The following CELF4 variants were observed in gnomAD, a reference collection of about 807,000 sequenced individuals.
CELF4 encodes CUG-BP- and ETR-3-like factor 4.
A neutral mutation model predicts 59.9 loss-of-function variants in CELF4; 18 were observed. The observed-to-expected ratio is 0.30, with a 90% CI of 0.21 to 0.45. The LOEUF (loss-of-function observed/expected upper bound fraction) is 0.45. Ranked by LOEUF, CELF4 falls within the 20% of genes least tolerant of loss-of-function variation. The probability of loss-of-function intolerance (pLI) is 1.00; values close to 1 mark genes in which losing one functional copy is unlikely to be tolerated. For missense variants in CELF4, 456 were observed against 689.0 expected, an observed-to-expected ratio of 0.66 and a Z score of 3.79; for synonymous variants, 261 against 267.1, an observed-to-expected ratio of 0.98 and a Z score of 0.22.
intron 2 of CELF4, among the ~76,000 whole-genome samples, chr18:37,413,872 T>C (rs916808367): frequency 6.6e-6 from 1 of 152,202 alleles, no homozygotes; most frequent in Non-Finnish European, 1.5e-5. Flanking sequence ...TCCAACCTGC[T>C]GTATAGTTGA....
chr18:37,506,908 C>G (rs974341099), intron 1 of CELF4, among the ~76,000 whole-genome samples: 2 of 152,180 alleles, frequency 1.3e-5, no homozygotes, highest in Non-Finnish European at 2.9e-5. Flanking sequence ...TTTCCGGGAG[C>G]TGGAAGGGGG....
intron 2 of CELF4, among the ~76,000 whole-genome samples, chr18:37,346,699 G>C (rs1459452884): frequency 6.6e-6 from 1 of 152,138 alleles, no homozygotes; most frequent in Non-Finnish European, 1.5e-5. Flanking sequence ...CGGGATTGGA[G>C]TCAGTTTGGG....
chr18:37,273,029 C>G lies in CELF4; in HGVS notation c.936G>C (p.Met312Ile), dbSNP rs200680800. The part of the protein sequence containing the change: ...LNMNGLAAAP[M>I]TPTSGGSTPP... ...CTGCCAGCTCACCTGAGGTTGGGGT[C>G]ATAGGTGCGGCCGCCAGGCCATTCA... The change falls in exon 7 of 13, where the codon ATG (methionine) becomes ATC (isoleucine). Residue 312 changes from methionine (M) to isoleucine (I), a missense_variant. By Grantham distance (10) the Met-to-Ile change is conservative (BLOSUM62 1). Transcript: ENST00000420428. 51 of 1,610,474 alleles carry G rather than the reference C, an allele frequency of 3.2e-5. No homozygotes were observed. The East Asian group carries it at 4.7e-4, about 15-fold the overall frequency.
At chr18:37,417,625 G>A (rs527663418) in intron 2 of CELF4, among the ~76,000 whole-genome samples, 1 of 152,188 alleles carries the variant, frequency 6.6e-6, no homozygotes, top group Admixed American at 6.5e-5. Context: ...GGAACCACCA[G>A]CTCTCCCAGG....
intron 8 of CELF4, among the ~76,000 whole-genome samples, chr18:37,269,457 A>G (rs145401200): frequency 1.3e-3 from 198 of 152,296 alleles, no homozygotes; most frequent in African/African-American, 4.5e-3. Flanking sequence ...GGGAAATGAG[A>G]ATGTCTGGGC....
Position 37,253,741 on chromosome 18 carries a change from C to T in CELF4, c.*44+26G>A, listed in dbSNP as rs952173621. On this transcript the variant is annotated intron_variant, in intron 12 of 12. Coordinates refer to ENST00000420428, the MANE Select transcript of CELF4 (RefSeq NM_020180.4). The surrounding 1 kb of genome is among the most constrained non-coding windows in gnomAD (Gnocchi z 4.5). ...GTCTGGTTCCCTCCCAACCCCCGTC[C>T]CCGCGCCCCGGCCGCCCCCGGTTAC... The T allele has an allele frequency of 2.0e-6, 3 of 1,528,028 alleles. No individual in the cohort carries two copies. The African/African-American group carries it at 4.2e-5, about 22-fold the overall frequency. The allele number at this position is 1,528,028 out of a possible 1,614,324, so 94.7% of individuals were successfully genotyped here.
intron 3 of CELF4, among the ~76,000 whole-genome samples, chr18:37,307,081 G>A (rs901894292): frequency 6.6e-6 from 1 of 152,022 alleles, no homozygotes; most frequent in African/African-American, 2.4e-5. Flanking sequence ...GTCTTCCCCA[G>A]GAGCGGTGAG....
At chr18:37,248,628 C>T (rs559335740) in intron 12 of CELF4, among the ~76,000 whole-genome samples, 1 of 152,330 alleles carries the variant, frequency 6.6e-6, no homozygotes, top group East Asian at 1.9e-4. Context: ...CACCGCAAGG[C>T]CCCAACCTTC....
intron 2 of CELF4, among the ~76,000 whole-genome samples, chr18:37,425,130 A>C (rs1476911182): frequency 6.6e-6 from 1 of 152,198 alleles, no homozygotes; most frequent in Non-Finnish European, 1.5e-5. Context: ...GGAGGACAGA[A>C]AAAATCTATT....
At chr18:37,280,487 T>G (rs942659498) in intron 3 of CELF4, among the ~76,000 whole-genome samples, 1 of 152,156 alleles carries the variant, frequency 6.6e-6, no homozygotes, top group Admixed American at 6.5e-5. Flanking sequence ...GCCTCTTCAT[T>G]GGAGCCCCTG....
chr18:37,296,489 C>T (rs956378169), intron 3 of CELF4, among the ~76,000 whole-genome samples: 2 of 152,206 alleles, frequency 1.3e-5, no homozygotes, highest in African/African-American at 4.8e-5. Context: ...AGCCACTGCG[C>T]CTGGCCGGTT....
rs1049604987 is a variant in CELF4 at position 37,333,005 on chromosome 18, G to A, written c.370-11124C>T. 5.3e-5 allele frequency among the ~76,000 whole-genome samples: 8 copies of A among 152,344 alleles called. No individual in the cohort carries two copies. The East Asian group carries it at 1.2e-3, about 22-fold the overall frequency. On this transcript the variant is annotated intron_variant, in intron 2 of 12. Transcript: ENST00000420428. Reference sequence around the variant, plus strand: ...GCCGTGGCAACCAAGCTAATTAGCCGGCATGGTCGGCTGGGTCGCTAACCC... The same window carrying A: ...GCCGTGGCAACCAAGCTAATTAGCCAGCATGGTCGGCTGGGTCGCTAACCC...
At chr18:37,474,463 G>A (rs545755736) in intron 2 of CELF4, among the ~76,000 whole-genome samples, 53 of 152,294 alleles carry the variant, frequency 3.5e-4, no homozygotes, top group South Asian at 2.1e-4. Flanking sequence ...TGACGGGGAC[G>A]GTTCCTGCCC....
intron 2 of CELF4, among the ~76,000 whole-genome samples, chr18:37,461,547 G>T (rs1170679449): frequency 6.6e-6 from 1 of 152,196 alleles, no homozygotes; most frequent in East Asian, 1.9e-4. Context: ...TCCCACAACG[G>T]GTGGGGATAA....
intron 3 of CELF4, among the ~76,000 whole-genome samples, chr18:37,293,656 G>A (rs946959943): frequency 5.3e-5 from 8 of 152,178 alleles, no homozygotes; most frequent in Non-Finnish European, 1.0e-4. Flanking sequence ...CTGCAGGAAG[G>A]AAGGGACAGG....
chr18:37,438,336 C>T (rs1246950570), intron 2 of CELF4, among the ~76,000 whole-genome samples: 11 of 152,092 alleles, frequency 7.2e-5, no homozygotes, highest in Admixed American at 7.2e-4. Context: ...ACCGAGTATC[C>T]ATGGTGGGGC....
chr18:37,312,131 GA>G (rs11309116), intron 3 of CELF4, among the ~76,000 whole-genome samples: 54,625 of 111,130 alleles, frequency 0.49, 11,201 homozygotes, highest in Middle Eastern at 0.56. Context: ...AAAAAAAAAA[GA>G]AAAAAAAAAA....
intron 1 of CELF4, among the ~76,000 whole-genome samples, chr18:37,544,956 G>T (rs1199900592): frequency 6.6e-6 from 1 of 152,162 alleles, no homozygotes; most frequent in African/African-American, 2.4e-5. Flanking sequence ...CATGCATGGA[G>T]ACCCCTAAAG....
chr18:37,293,162 G>C (rs567214671), intron 3 of CELF4, among the ~76,000 whole-genome samples: 2 of 152,240 alleles, frequency 1.3e-5, no homozygotes, highest in South Asian at 4.1e-4. Flanking sequence ...CACAGTCTTA[G>C]TTTCCCAGGG....
Sources: allele counts gnomAD v4.1 joint callset (sites outside exome capture counted in the v4.1 genomes callset), GRCh38; gene constraint gnomAD v4.1.1; non-coding constraint Gnocchi (gnomAD v3.1); transcripts MANE v1.5; gene names NCBI Gene and HGNC (gene_info 2026-07-23, HGNC 2026-07-21).